The following CENPP variants were observed in gnomAD, a reference collection of about 807,000 sequenced individuals.
CENPP encodes the protein centromere protein P.
A neutral mutation model predicts 35.6 loss-of-function variants in CENPP; 24 were observed. The ratio of observed to expected loss-of-function variants is 0.67; its 90% confidence interval spans 0.49 to 0.95. The LOEUF (loss-of-function observed/expected upper bound fraction) is 0.95. Among genes scored for constraint, CENPP ranks in the 40% least tolerant of loss-of-function variants. The pLI, the probability that CENPP is intolerant of heterozygous loss-of-function variation, is 0.00. For missense variants in CENPP, 332 were observed against 345.3 expected, an observed-to-expected ratio of 0.96 and a Z score of 0.31; for synonymous variants, 120 against 125.5, an observed-to-expected ratio of 0.96 and a Z score of 0.29.
At chr9:92,567,385 T>TAG (rs1032032577) in intron 5 of CENPP, among the ~76,000 whole-genome samples, 14 of 95,504 alleles carry the variant, frequency 1.5e-4, no homozygotes, top group South Asian at 5.3e-4. Flanking sequence ...TATATATATA[T>TAG]ATATATATAT....
At chr9:92,461,672 C>T (rs568608091) in intron 5 of CENPP, among the ~76,000 whole-genome samples, 28 of 152,106 alleles carry the variant, frequency 1.8e-4, no homozygotes, top group Non-Finnish European at 3.4e-4. Flanking sequence ...CATTCATGCA[C>T]GATTGTTGCC....
At chr9:92,519,192 C>T (rs139114072) in intron 5 of CENPP, among the ~76,000 whole-genome samples, 39 of 152,308 alleles carry the variant, frequency 2.6e-4, no homozygotes, top group African/African-American at 9.4e-4. Flanking sequence ...TTGCAATAGG[C>T]TAATCCCACC....
intron 5 of CENPP, among the ~76,000 whole-genome samples, chr9:92,567,391 T>TATATATATATATATAG (rs374567670): frequency 1.9e-4 from 19 of 98,378 alleles, no homozygotes; most frequent in East Asian, 1.5e-3. Flanking sequence ...TATATATATA[T>TATATATATATATATAG]ATATAGATAT....
At chr9:92,541,482 T>C (rs1849320001) in intron 5 of CENPP, among the ~76,000 whole-genome samples, 1 of 123,276 alleles carries the variant, frequency 8.1e-6, no homozygotes, top group Non-Finnish European at 1.7e-5. Flanking sequence ...TGCCTCAGCC[T>C]CCCGAGTAGC....
intron 4 of CENPP, among the ~76,000 whole-genome samples, chr9:92,369,706 T>G (rs1199618301): frequency 1.3e-5 from 2 of 152,232 alleles, no homozygotes; most frequent in African/African-American, 4.8e-5. Flanking sequence ...TTAACTAAAT[T>G]CATTTATCAA....
intron 5 of CENPP, among the ~76,000 whole-genome samples, chr9:92,591,122 A>G (rs1021858080): frequency 6.6e-6 from 1 of 152,190 alleles, no homozygotes; most frequent in South Asian, 2.1e-4. Context: ...TTGTGCATAA[A>G]ATAAGACCTG....
At chr9:92,385,542 A>G in intron 5 of CENPP, 1 of 1,243,006 alleles carries the variant, frequency 8.0e-7, no homozygotes. Flanking sequence ...TTAAACCAAT[A>G]CTTAAGTTCC....
chr9:92,467,638 T>C (rs535954380), intron 5 of CENPP, among the ~76,000 whole-genome samples: 1 of 152,366 alleles, frequency 6.6e-6, no homozygotes, highest in East Asian at 1.9e-4. Flanking sequence ...TTGTTTAATA[T>C]GCCTCACTGG....
At chr9:92,424,613 A>C (rs998869186) in intron 5 of CENPP, among the ~76,000 whole-genome samples, 2 of 152,204 alleles carry the variant, frequency 1.3e-5, no homozygotes, top group African/African-American at 4.8e-5. Flanking sequence ...AGAATTCTTC[A>C]AATTAAGGCC....
At chr9:92,367,546 G>C (rs866825114) in intron 4 of CENPP, among the ~76,000 whole-genome samples, 1 of 151,946 alleles carries the variant, frequency 6.6e-6, no homozygotes, top group African/African-American at 2.4e-5. Flanking sequence ...CCCATTTCTT[G>C]GTCCCACAAC....
intron 5 of CENPP, among the ~76,000 whole-genome samples, chr9:92,574,656 C>G (rs1299920586): frequency 1.3e-5 from 2 of 152,174 alleles, no homozygotes; most frequent in Non-Finnish European, 2.9e-5. Flanking sequence ...TCAAAGCAAT[C>G]TACAGATTCA....
chr9:92,579,341 G>C (rs1485670829), intron 5 of CENPP, among the ~76,000 whole-genome samples: 1 of 148,356 alleles, frequency 6.7e-6, no homozygotes, highest in East Asian at 2.0e-4. Flanking sequence ...TGTGAAGAAA[G>C]TCATTGGTAG....
chr9:92,528,781 A>G (rs529118570), intron 5 of CENPP, among the ~76,000 whole-genome samples: 3 of 152,358 alleles, frequency 2.0e-5, no homozygotes, highest in Non-Finnish European at 2.9e-5. Flanking sequence ...ACTGCGTACA[A>G]TAACTTGACA....
intron 5 of CENPP, among the ~76,000 whole-genome samples, chr9:92,462,956 G>A (rs1845172289): frequency 6.6e-6 from 1 of 152,212 alleles, no homozygotes. Flanking sequence ...GAGAGGACTT[G>A]TAGAAGTTGA....
chr9:92,516,080 C>T (rs1023378981), intron 5 of CENPP, among the ~76,000 whole-genome samples: 1 of 148,116 alleles, frequency 6.8e-6, no homozygotes, highest in Non-Finnish European at 1.5e-5. Flanking sequence ...TTTCCCCCCC[C>T]CGAGACGGAG....
intron 5 of CENPP, chr9:92,416,885 T>C: frequency 6.2e-7 from 1 of 1,614,060 alleles, no homozygotes; most frequent in Non-Finnish European, 8.5e-7. Flanking sequence ...AGGCATTGAT[T>C]CTAATCTGTT....
At chr9:92,433,019 A>G (rs559929289) in intron 5 of CENPP, among the ~76,000 whole-genome samples, 166 of 152,334 alleles carry the variant, frequency 1.1e-3, no homozygotes, top group Admixed American at 3.5e-3. Context: ...TAAAAAACAT[A>G]CCGTGAGATA....
intron 5 of CENPP, among the ~76,000 whole-genome samples, chr9:92,605,719 C>A (rs1239065163): frequency 2.0e-5 from 3 of 152,130 alleles, no homozygotes; most frequent in Non-Finnish European, 4.4e-5. Context: ...AAATGTAAAT[C>A]TCTGTGACTG....
chr9:92,554,678 C>T (rs1849682762), intron 5 of CENPP, among the ~76,000 whole-genome samples: 1 of 152,104 alleles, frequency 6.6e-6, no homozygotes, highest in South Asian at 2.1e-4. Flanking sequence ...TGATCTGTCA[C>T]CCAGGCTGGA....
Sources: allele counts gnomAD v4.1 joint callset (sites outside exome capture counted in the v4.1 genomes callset), GRCh38; gene constraint gnomAD v4.1.1; transcripts MANE v1.5; gene names NCBI Gene and HGNC (gene_info 2026-07-23, HGNC 2026-07-21).